Variants in PRKG1 observed in about 807,000 individuals in gnomAD.
PRKG1 encodes the protein cGMP-dependent protein kinase 1.
A neutral mutation model predicts 88.1 loss-of-function variants in PRKG1; 35 were observed. That is an observed-to-expected ratio of 0.40 (90% CI 0.30 to 0.53). The LOEUF (loss-of-function observed/expected upper bound fraction) is 0.53. PRKG1 is among the 20% of genes least tolerant of loss of function. The pLI, the probability that PRKG1 is intolerant of heterozygous loss-of-function variation, is 0.59. For missense variants in PRKG1, 540 were observed against 839.8 expected, an observed-to-expected ratio of 0.64 and a Z score of 4.41; for synonymous variants, 303 against 292.5, an observed-to-expected ratio of 1.04 and a Z score of -0.37.
chr10:51,272,541 C>T (rs1840009135), intron 2 of PRKG1, among the ~76,000 whole-genome samples: 1 of 151,898 alleles, frequency 6.6e-6, no homozygotes, highest in African/African-American at 2.4e-5. Context: ...GCCAGAGGCT[C>T]TTCTCCACTT....
intron 3 of PRKG1, among the ~76,000 whole-genome samples, chr10:51,585,376 A>T (rs1278701808): frequency 1.3e-5 from 2 of 152,172 alleles, no homozygotes; most frequent in African/African-American, 4.8e-5. Flanking sequence ...TGCAGTAAGA[A>T]TATGTTTCCC....
chr10:52,144,354 G>T (rs985397878), intron 8 of PRKG1, among the ~76,000 whole-genome samples: 2 of 152,156 alleles, frequency 1.3e-5, no homozygotes, highest in Non-Finnish European at 2.9e-5. Flanking sequence ...TATTTTGGGG[G>T]CAATAAGAAA....
chr10:52,117,429 AATTACACTGGGCCAGC>A (rs1847715165), intron 7 of PRKG1, among the ~76,000 whole-genome samples: 1 of 152,046 alleles, frequency 6.6e-6, no homozygotes, highest in Non-Finnish European at 1.5e-5. Flanking sequence ...TCTTCAGTGT[AATTACACTGGGCCAGC>A]ATAAATTACC....
In PRKG1 at chr10:52,280,842, C is replaced by T; in HGVS notation, c.1457C>T (p.Ala486Val). 6.2e-7 allele frequency: 1 copy of T among 1,613,268 alleles called. No homozygotes were observed. Among genetic ancestry groups the T allele is most frequent in the Non-Finnish European group, 8.5e-7 (1 of 1,179,452 alleles). The change falls in exon 13 of 18, where the codon GCT (alanine) becomes GTT (valine). Residue 486 changes from alanine (A) to valine (V), a missense_variant. Coordinates refer to ENST00000373980, the MANE Select transcript of PRKG1 (RefSeq NM_006258.4). Reference sequence around the variant, plus strand: ...TTTTACACAGCATGTGTGGTAGAAGCTTTTGCCTATCTGCATTCCAAAGGA... The same window carrying T: ...TTTTACACAGCATGTGTGGTAGAAGTTTTTGCCTATCTGCATTCCAAAGGA... ...TRFYTACVVE[A>V]FAYLHSKGII...
chr10:52,150,149 A>AAATAATAAT (rs67354776), intron 8 of PRKG1, among the ~76,000 whole-genome samples: 9,029 of 82,222 alleles, frequency 0.11, 560 homozygotes, highest in East Asian at 0.45. Context: ...CTCCATCTCA[A>AAATAATAAT]AATAATAATA....
In PRKG1 at chr10:51,188,588, C is replaced by T. The variant is rs188706961; in HGVS notation, c.478+35258C>T. Among the ~76,000 whole-genome samples the T allele has an allele frequency of 2.0e-5, 3 of 151,952 alleles. No individual in the cohort carries two copies. In the East Asian group the frequency reaches 5.8e-4, roughly 29 times the overall value. On this transcript the variant is annotated intron_variant, in intron 2 of 17. Coordinates refer to ENST00000373980, the MANE Select transcript of PRKG1 (RefSeq NM_006258.4). ...TGAATAAAACCACGACAAGAAGATCCTTCAGAAAACAACTCGAGACACAGT... is the reference window on the plus strand; with the variant it reads ...TGAATAAAACCACGACAAGAAGATCTTTCAGAAAACAACTCGAGACACAGT...
At chr10:52,033,423 CAT>C (rs1440103901) in intron 5 of PRKG1, among the ~76,000 whole-genome samples, 2 of 152,180 alleles carry the variant, frequency 1.3e-5, no homozygotes, top group African/African-American at 4.8e-5. Context: ...CTTGCACACA[CAT>C]GTTGCTCCTG....
chr10:51,714,025 A>G (rs915250178), intron 3 of PRKG1, among the ~76,000 whole-genome samples: 10 of 152,014 alleles, frequency 6.6e-5, no homozygotes, highest in African/African-American at 9.7e-5. Context: ...TGTTGCCCAG[A>G]CTGGAGTGCA....
chr10:52,157,934 G>C (rs1838169673), intron 8 of PRKG1, among the ~76,000 whole-genome samples: 1 of 151,426 alleles, frequency 6.6e-6, no homozygotes, highest in Non-Finnish European at 1.5e-5. Context: ...TTTTACCCAT[G>C]CTCCTTAAAG....
rs554089823 is a variant in PRKG1 at position 51,947,773 on chromosome 10, C to T, written c.762+40203C>T. Among the ~76,000 whole-genome samples the T allele has an allele frequency of 4.8e-4, 73 of 152,180 alleles. No homozygotes were observed. The South Asian group carries it at 9.3e-3, about 19-fold the overall frequency. On this transcript the variant is annotated intron_variant, in intron 5 of 17. Transcript: ENST00000373980. ...ATGTCAGACCAGCCACAGGGGGACTCCATGGGGACTGAATTCCTTCAGGTC... is the reference window on the plus strand; with the variant it reads ...ATGTCAGACCAGCCACAGGGGGACTTCATGGGGACTGAATTCCTTCAGGTC...
intron 1 of PRKG1, among the ~76,000 whole-genome samples, chr10:51,067,292 A>G (rs1422662081): frequency 7.2e-6 from 1 of 138,400 alleles, no homozygotes; most frequent in African/African-American, 2.7e-5. Context: ...ATATATATAT[A>G]TGTTATTTGT....
chr10:51,214,939 C>G (rs113062885), intron 2 of PRKG1, among the ~76,000 whole-genome samples: 3,079 of 152,252 alleles, frequency 0.02, 47 homozygotes, highest in Middle Eastern at 0.051. Flanking sequence ...CACCACTGAA[C>G]GGAAAATGAA....
intron 8 of PRKG1, among the ~76,000 whole-genome samples, chr10:52,160,318 T>C (rs1838245407): frequency 6.6e-6 from 1 of 152,006 alleles, no homozygotes; most frequent in South Asian, 2.1e-4. Context: ...TTATTATCAC[T>C]GGTAATATAC....
intron 3 of PRKG1, among the ~76,000 whole-genome samples, chr10:51,570,008 T>C (rs1459305066): frequency 6.8e-6 from 1 of 147,454 alleles, no homozygotes; most frequent in Admixed American, 6.8e-5. Flanking sequence ...CGATAAGATG[T>C]TATAACTAAG....
intron 3 of PRKG1, among the ~76,000 whole-genome samples, chr10:51,493,157 C>A (rs1386713127): frequency 6.6e-6 from 1 of 152,040 alleles, no homozygotes; most frequent in Non-Finnish European, 1.5e-5. Flanking sequence ...TATTACCACT[C>A]CCCTTGAATA....
Position 51,074,635 on chromosome 10 carries a change from C to A in PRKG1, c.45C>A (p.Ile15=). ...TACAGTACGCGCTCCAGGAGAAGAT[C>A]GAGGAGCTGAGGCAGCGGGATGCTC... ...RDLQYALQEK[I]EELRQRDALI... Residue 15 remains isoleucine, a synonymous_variant, in exon 1 of 18, where the codon ATC becomes ATA. Transcript: ENST00000373980. 6.2e-7 allele frequency: 1 copy of A among 1,614,028 alleles called. No individual in the cohort carries two copies. Among genetic ancestry groups the A allele is most frequent in the Non-Finnish European group, 8.5e-7 (1 of 1,179,968 alleles).
chr10:51,804,493 A>G, intron 3 of PRKG1, 92 bp from the exon 4 acceptor site: 1 of 814,952 alleles, frequency 1.2e-6, no homozygotes, highest in South Asian at 1.6e-5. Context: ...CATGATTCTC[A>G]TGAATAGCTC....
chr10:51,613,943 C>G (rs6480374), intron 3 of PRKG1, among the ~76,000 whole-genome samples: 129,010 of 151,872 alleles, frequency 0.85, 55,908 homozygotes, highest in Middle Eastern at 0.95. Flanking sequence ...TCCATGTGTT[C>G]ATGAGAAGAA....
intron 2 of PRKG1, among the ~76,000 whole-genome samples, chr10:51,409,400 A>C (rs1838013322): frequency 6.6e-6 from 1 of 152,018 alleles, no homozygotes; most frequent in Non-Finnish European, 1.5e-5. Flanking sequence ...CATGTATAAG[A>C]TTTCCGTTCG....
Sources: gnomAD v4.1 joint callset for allele counts (sites outside exome capture counted in the v4.1 genomes callset) on GRCh38, gnomAD v4.1.1 for gene constraint, MANE v1.5 for transcripts, NCBI Gene and HGNC (gene_info 2026-07-23, HGNC 2026-07-21) for gene names.